ISYNA1: variants seen among roughly 807,000 people sequenced by gnomAD.
ISYNA1 encodes inositol-3-phosphate synthase 1.
Under a neutral mutation model 50.3 loss-of-function variants are expected in ISYNA1, and 34 were observed. That is an observed-to-expected ratio of 0.68 (90% CI 0.51 to 0.90). The LOEUF is 0.90. Ranked by LOEUF, ISYNA1 falls within the 40% of genes least tolerant of loss-of-function variation. The pLI, the probability that ISYNA1 is intolerant of heterozygous loss-of-function variation, is 0.00. For missense variants in ISYNA1, 718 were observed against 784.8 expected, an observed-to-expected ratio of 0.91 and a Z score of 1.02; for synonymous variants, 396 against 349.9, an observed-to-expected ratio of 1.13 and a Z score of -1.47.
chr19:18,436,962 G>T lies in ISYNA1; in HGVS notation c.415+11C>A. 1 of 1,607,892 alleles carries T rather than the reference G, an allele frequency of 6.2e-7. No individual in the cohort carries two copies. The highest frequency in any genetic ancestry group is 8.5e-7 in the Non-Finnish European group (1 of 1,177,684). On this transcript the variant is annotated intron_variant, in intron 4 of 10. Transcript: ENST00000338128. The stretch of plus-strand genomic sequence containing the variant: ...CCATCCCGCCCCACCCCGGCCCAGG[G>T]CTCCGCCCACCATCGAACACGAGGT...
intron 3 of ISYNA1, 117 bp downstream of exon 3, chr19:18,437,478 CGGAA>C: frequency 1.3e-6 from 1 of 798,748 alleles, no homozygotes; most frequent in Non-Finnish European, 1.7e-6. Context: ...CCTCGCCCCG[CGGAA>C]CCCCACCCCC....
chr19:18,435,747 C>T lies in ISYNA1; in HGVS notation c.1140+10G>A. The T allele has an allele frequency of 6.2e-7, 1 of 1,612,136 alleles. No individual in the cohort carries two copies. Among genetic ancestry groups the T allele is most frequent in the Non-Finnish European group, 8.5e-7 (1 of 1,179,342 alleles). ...GGGCAACCCCGCGCCCGCGCCCGCG[C>T]CCCACGCACGCAGTGGTCAGGCTCT... On this transcript the variant is annotated intron_variant, in intron 8 of 10. Transcript: ENST00000338128.
chr19:18,437,401 C>T lies in ISYNA1; in HGVS notation c.282+198G>A, dbSNP rs1236648969. On this transcript the variant is annotated intron_variant, in intron 3 of 10. Coordinates refer to ENST00000338128, the MANE Select transcript of ISYNA1 (RefSeq NM_016368.5). ...CAAGCCCTCCCGCCCCACAGAGCTTCGCCCCCTGCAGGTCCCTCGCCCACT... is the reference window on the plus strand; with the variant it reads ...CAAGCCCTCCCGCCCCACAGAGCTTTGCCCCCTGCAGGTCCCTCGCCCACT... The T allele has an allele frequency of 4.7e-6, 4 of 857,762 alleles. No homozygotes were observed. The African/African-American group carries it at 7.6e-5, about 16-fold the overall frequency. 53.1% of individuals were successfully genotyped at this position (857,762 alleles called of 1,614,324 possible). A position where few individuals can be genotyped will look rare whatever the true frequency, so the allele number is the denominator to read the frequency against.
Position 18,434,858 on chromosome 19 carries a change from T to G in ISYNA1, c.*55A>C, listed in dbSNP as rs1600385497. On this transcript the variant is annotated 3_prime_UTR_variant, in exon 11 of 11. Transcript: ENST00000338128. ...CCTTTATTTGTGGGGGCCTTCAAGG[T>G]AGGGTCGTGGGGGGCAGCGGGGAGG... is the stretch of plus-strand genomic sequence containing the variant. 1 of 1,477,510 alleles carries G rather than the reference T, an allele frequency of 6.8e-7. No individual in the cohort carries two copies. Among genetic ancestry groups the G allele is most frequent in the Non-Finnish European group, 9.4e-7 (1 of 1,060,886 alleles). 91.5% of individuals were successfully genotyped at this position (1,477,510 alleles called of 1,614,324 possible). A position where few individuals can be genotyped will look rare whatever the true frequency, so the allele number is the denominator to read the frequency against.
In ISYNA1 at chr19:18,437,870, C is replaced by G. The variant is rs758618126; in HGVS notation, c.110G>C (p.Gly37Ala). 46 of 1,611,818 alleles carry G rather than the reference C, an allele frequency of 2.9e-5. No individual in the cohort carries two copies. Among genetic ancestry groups the G allele is most frequent in the Non-Finnish European group, 3.9e-5 (46 of 1,179,804 alleles). ...AGCCCCCTGGTCCACCTTGAGAACGCCACCCTCGCGGCTGACGCGCGTCGT... is the reference window on the plus strand; with the variant it reads ...AGCCCCCTGGTCCACCTTGAGAACGGCACCCTCGCGGCTGACGCGCGTCGT... ...YRTTRVSREG[G>A]VLKVHPTSTR... The change falls in exon 2 of 11, where the codon GGC (glycine) becomes GCC (alanine). Residue 37 changes from glycine (G) to alanine (A), a missense_variant. Around this residue, in one of 3 missense-constraint regions of ISYNA1, gnomAD observed 403 missense variants for 466.6 expected, o/e 0.86. Transcript: ENST00000338128.
Position 18,434,678 on chromosome 19 carries a change from C to T in ISYNA1, c.*235G>A, listed in dbSNP as rs1477396622. The T allele has an allele frequency of 1.7e-6, 1 of 584,936 alleles. No homozygotes were observed. The highest frequency in any genetic ancestry group is 3.0e-6 in the Non-Finnish European group (1 of 328,912). 36.2% of individuals were successfully genotyped at this position (584,936 alleles called of 1,614,324 possible). On this transcript the variant is annotated 3_prime_UTR_variant, in exon 11 of 11. Coordinates refer to ENST00000338128, the MANE Select transcript of ISYNA1 (RefSeq NM_016368.5). The stretch of plus-strand genomic sequence containing the variant: ...TGAGAACTGGGGGCAGAGCGAGGCT[C>T]CAGGTTCTGGGCTCTCCCTGGGAGT...
intron 3 of ISYNA1, 165 bp from the exon 4 acceptor site, chr19:18,437,270 A>G: frequency 7.0e-7 from 1 of 1,426,464 alleles, no homozygotes; most frequent in African/African-American, 1.4e-5. Context: ...CCCTCCCCTG[A>G]GACCTCCGGC....
At position 18,436,031 on chromosome 19, in the gene ISYNA1, C is replaced by T. The variant is rs1974002077; in HGVS notation, c.975+1G>A. On this transcript the variant is annotated splice_donor_variant, in intron 7 of 10. Coordinates refer to ENST00000338128, the MANE Select transcript of ISYNA1 (RefSeq NM_016368.5). LOFTEE classifies it high-confidence loss of function. Reference sequence around the variant, plus strand: ...CTCGGCAGCTCCCTAGGCCCACGCACCTTGAGGCCGGAGCCAATGAGGAAG... The same window carrying T: ...CTCGGCAGCTCCCTAGGCCCACGCATCTTGAGGCCGGAGCCAATGAGGAAG... 3.7e-6 allele frequency: 6 copies of T among 1,613,274 alleles called. No homozygotes were observed. Among genetic ancestry groups the T allele is most frequent in the Non-Finnish European group, 5.1e-6 (6 of 1,179,940 alleles).
intron 3 of ISYNA1, 36 bp downstream of exon 3, chr19:18,437,563 A>G: frequency 5.6e-6 from 5 of 887,750 alleles, no homozygotes; most frequent in East Asian, 7.3e-5. Flanking sequence ...GACTCCCACC[A>G]AGCCTCCCTA....
At position 18,434,412 on chromosome 19, in the gene ISYNA1, G is replaced by T; in HGVS notation, c.*501C>A. 3 of 1,270,820 alleles carry T rather than the reference G, an allele frequency of 2.4e-6. No homozygotes were observed. The highest frequency in any genetic ancestry group is 2.7e-4 in the Middle Eastern group (1 of 3,644). The allele number at this position is 1,270,820 out of a possible 1,614,324, so 78.7% of individuals were successfully genotyped here. ...AGACTCTTACCATTTTATTAAAAACGCAAGGACCTCAGAGACGTTCTTTTC... is the reference window on the plus strand; with the variant it reads ...AGACTCTTACCATTTTATTAAAAACTCAAGGACCTCAGAGACGTTCTTTTC... On this transcript the variant is annotated 3_prime_UTR_variant, in exon 11 of 11. Transcript: ENST00000338128.
chr19:18,437,798 C>T, intron 2 of ISYNA1, 38 bp from the exon 3 acceptor site: 1 of 1,602,394 alleles, frequency 6.2e-7, no homozygotes, highest in African/African-American at 1.3e-5. Context: ...GGGTCCCGTG[C>T]CCTTCTCCCC....
At chr19:18,438,053 G>A (rs1275417317) in intron 1 of ISYNA1, 40 bp downstream of exon 1, 1 of 1,453,982 alleles carries the variant, frequency 6.9e-7, no homozygotes, top group African/African-American at 1.4e-5. Flanking sequence ...AGCCAGCCTG[G>A]GTCCCCACGG....
In ISYNA1 at chr19:18,436,194, C is replaced by G; in HGVS notation, c.813G>C (p.Glu271Asp). The G allele has an allele frequency of 1.2e-6, 2 of 1,611,388 alleles. No homozygotes were observed. The highest frequency in any genetic ancestry group is 1.7e-6 in the Non-Finnish European group (2 of 1,179,986). Residue 271 changes from glutamate to aspartate, a missense_variant, in exon 7 of 11, where the codon GAG (glutamate) becomes GAC (aspartate). Glu to Asp is a conservative substitution (Grantham distance 45). Transcript: ENST00000338128. The part of the protein sequence containing the change: ...STLFAVASIL[E>D]GCAFLNGSPQ... ...GAGACCCATTGAGGAAGGCACAGCC[C>G]TCCAGGATGCTGGCCACGGCGAAGA...
chr19:18,434,855 A>AG lies in ISYNA1; in HGVS notation c.*57dup. On this transcript the variant is annotated 3_prime_UTR_variant, in exon 11 of 11. Coordinates refer to ENST00000338128, the MANE Select transcript of ISYNA1 (RefSeq NM_016368.5). Reference sequence around the variant, plus strand: ...GCGCCTTTATTTGTGGGGGCCTTCAAGGTAGGGTCGTGGGGGGCAGCGGGG... The same window carrying AG: ...GCGCCTTTATTTGTGGGGGCCTTCAAGGGTAGGGTCGTGGGGGGCAGCGGGG... The AG allele has an allele frequency of 6.8e-7, 1 of 1,463,700 alleles. No homozygotes were observed. Among genetic ancestry groups the AG allele is most frequent in the Non-Finnish European group, 9.5e-7 (1 of 1,047,998 alleles). The allele number at this position is 1,463,700 out of a possible 1,614,324, so 90.7% of individuals were successfully genotyped here.
Position 18,436,855 on chromosome 19 carries a change from G to A in ISYNA1, c.438C>T (p.Asn146=), listed in dbSNP as rs951916746. The A allele has an allele frequency of 3.8e-6, 6 of 1,597,790 alleles. No individual in the cohort carries two copies. The highest frequency in any genetic ancestry group is 4.3e-6 in the Non-Finnish European group (5 of 1,174,802). Residue 146 remains asparagine, a synonymous_variant, in exon 5 of 11, where the codon AAC becomes AAT. Transcript: ENST00000338128. Reference sequence around the variant, plus strand: ...TCGCGCGCCGCATCGCCTCGGCCAGGTTCAGCGACGAGATGTCCCAGCCTG... The same window carrying A: ...TCGCGCGCCGCATCGCCTCGGCCAGATTCAGCGACGAGATGTCCCAGCCTG... The part of the protein sequence containing the change: ...VFDGWDISSL[N]LAEAMRRAKV...
chr19:18,435,559 G>A lies in ISYNA1; in HGVS notation c.1254+4C>T, dbSNP rs138475386. ...CCATAGCAGCCCCTGAAGCCGCGCCGCACCTCACACGTGTTGTGCAGCACC... is the reference window on the plus strand; with the variant it reads ...CCATAGCAGCCCCTGAAGCCGCGCCACACCTCACACGTGTTGTGCAGCACC... On this transcript the variant is annotated splice_donor_region_variant and intron_variant, in intron 9 of 10. Coordinates refer to ENST00000338128, the MANE Select transcript of ISYNA1 (RefSeq NM_016368.5). The A allele has an allele frequency of 1.2e-5, 20 of 1,603,896 alleles. No individual in the cohort carries two copies. The highest frequency in any genetic ancestry group is 1.6e-5 in the Non-Finnish European group (19 of 1,175,902).
chr19:18,436,710 G>C lies in ISYNA1; in HGVS notation c.583C>G (p.Leu195Val), dbSNP rs1254615073. The change falls in exon 5 of 11, where the codon CTC (leucine) becomes GTC (valine). Residue 195 changes from leucine to valine, a missense_variant. Transcript: ENST00000338128. ...TGCTGCGCACGCGAGCCTGGGATGA[G>C]GTTGTCCGCGCGCGCGCTCTGGTTG... ...AANQSARADN[L>V]IPGSRAQQLE... 6.4e-7 allele frequency: 1 copy of C among 1,566,284 alleles called. No individual in the cohort carries two copies.
chr19:18,435,514 C>T lies in ISYNA1; in HGVS notation c.1255-31G>A, dbSNP rs927817269. ...GGGCGGGTGGGTCAGGAGATGGGGGCGGTGGCCAAGCCCTGCCTCCCATAG... is the reference window on the plus strand; with the variant it reads ...GGGCGGGTGGGTCAGGAGATGGGGGTGGTGGCCAAGCCCTGCCTCCCATAG... On this transcript the variant is annotated intron_variant, in intron 9 of 10. Transcript: ENST00000338128. The T allele has an allele frequency of 3.7e-6, 6 of 1,605,176 alleles. No homozygotes were observed. The African/African-American group carries it at 4.0e-5, about 11-fold the overall frequency.
chr19:18,437,494 A>AC, intron 3 of ISYNA1, 105 bp downstream of exon 3: 5 of 317,720 alleles, frequency 1.6e-5, no homozygotes, highest in East Asian at 1.3e-4. Context: ...CCCACCCCCT[A>AC]CAGCCCCCCT....
Sources: gnomAD v4.1 joint callset for allele counts on GRCh38, gnomAD v4.1.1 for gene constraint, gnomAD v4.1.1 regional missense constraint, MANE v1.5 for transcripts, NCBI Gene and HGNC (gene_info 2026-07-23, HGNC 2026-07-21) for gene names.